Variants in PDE4D observed in about 807,000 individuals in gnomAD.
PDE4D encodes the protein phosphodiesterase 4D.
Under a neutral mutation model 87.4 loss-of-function variants are expected in PDE4D, and 24 were observed. The ratio of observed to expected loss-of-function variants is 0.27; its 90% CI spans 0.20 to 0.39. The LOEUF (loss-of-function observed/expected upper bound fraction) is 0.39, where lower values mean the gene tolerates loss of function less well. Among genes scored for constraint, PDE4D ranks in the 10% least tolerant of loss-of-function variants. PDE4D has a pLI of 1.00. For synonymous variants in PDE4D, 384 were observed against 383.2 expected, an observed-to-expected ratio of 1.00 and a Z score of -0.02; for missense variants, 714 against 1,041.0, an observed-to-expected ratio of 0.69 and a Z score of 4.32.
At chr5:59,130,598 GA>G (rs1776127293) in intron 5 of PDE4D, among the ~76,000 whole-genome samples, 1 of 152,194 alleles carries the variant, frequency 6.6e-6, no homozygotes, top group African/African-American at 2.4e-5. Flanking sequence ...TTTCGTAAGT[GA>G]AACTGGAGTG....
intron 1 of PDE4D, among the ~76,000 whole-genome samples, chr5:60,432,897 A>T (rs960144314): frequency 6.6e-6 from 1 of 152,220 alleles, no homozygotes; most frequent in African/African-American, 2.4e-5. Flanking sequence ...CTGAAACTGG[A>T]CAGCTTCCTT....
intron 1 of PDE4D, among the ~76,000 whole-genome samples, chr5:60,462,798 T>G (rs566481724): frequency 2.6e-5 from 4 of 152,268 alleles, no homozygotes; most frequent in Admixed American, 2.0e-4. Context: ...GCATCCAGCA[T>G]TTTCCCCCTC....
At chr5:60,130,741 GT>G (rs2149397038) in intron 2 of PDE4D, among the ~76,000 whole-genome samples, 1 of 152,258 alleles carries the variant, frequency 6.6e-6, no homozygotes, top group East Asian at 1.9e-4. Context: ...TGACACAGTG[GT>G]TTGGCTAAAT....
At chr5:59,133,970 C>A (rs1316717859) in intron 5 of PDE4D, among the ~76,000 whole-genome samples, 1 of 142,558 alleles carries the variant, frequency 7.0e-6, no homozygotes, top group Non-Finnish European at 1.5e-5. Flanking sequence ...TCCCTTGTAA[C>A]TTAGCAACTA....
chr5:59,235,988 T>C (rs1486419458), intron 1 of PDE4D, among the ~76,000 whole-genome samples: 1 of 152,172 alleles, frequency 6.6e-6, no homozygotes, highest in Non-Finnish European at 1.5e-5. Context: ...CAGAAAAATA[T>C]GAATGTATTT....
At chr5:60,186,987 A>C (rs7724490) in intron 1 of PDE4D, among the ~76,000 whole-genome samples, 12,182 of 152,238 alleles carry the variant, frequency 0.08, 605 homozygotes, top group African/African-American at 0.14. Flanking sequence ...TGCGGGAGGT[A>C]AGAGGTCCCG....
chr5:60,429,967 G>C, intron 1 of PDE4D: 5 of 518,740 alleles, frequency 9.6e-6, no homozygotes, highest in Non-Finnish European at 1.9e-5. Flanking sequence ...GGCAACCAAA[G>C]TATAGAGCTT....
intron 1 of PDE4D, among the ~76,000 whole-genome samples, chr5:60,340,409 T>G (rs1034157152): frequency 6.6e-6 from 1 of 152,082 alleles, no homozygotes; most frequent in Non-Finnish European, 1.5e-5. Flanking sequence ...GAGATTGTAA[T>G]GGGAATTTTA....
At chr5:59,574,059 AAAATAT>A (rs1822436806) in intron 1 of PDE4D, among the ~76,000 whole-genome samples, 1 of 39,096 alleles carries the variant, frequency 2.6e-5, no homozygotes, top group African/African-American at 1.1e-4. Context: ...TTTATATATA[AAAATAT>A]ATATATTTAT....
At chr5:60,378,118 T>C (rs556026767) in intron 1 of PDE4D, among the ~76,000 whole-genome samples, 9 of 152,284 alleles carry the variant, frequency 5.9e-5, no homozygotes, top group Admixed American at 5.9e-4. Flanking sequence ...CGCATAAATA[T>C]GAAGCAAGAA....
At chr5:60,390,879 AAAG>A (rs1189152682) in intron 1 of PDE4D, among the ~76,000 whole-genome samples, 1 of 152,030 alleles carries the variant, frequency 6.6e-6, no homozygotes, top group Admixed American at 6.6e-5. Flanking sequence ...TTCCTTCCTA[AAAG>A]AAGTCCTCGG....
chr5:60,144,084 T>C (rs1229518288), intron 2 of PDE4D, among the ~76,000 whole-genome samples: 2 of 152,170 alleles, frequency 1.3e-5, no homozygotes, highest in East Asian at 1.9e-4. Context: ...GACCCTATCA[T>C]GTACATCCCA....
At chr5:59,437,774 C>T (rs987893331) in intron 1 of PDE4D, among the ~76,000 whole-genome samples, 1 of 151,774 alleles carries the variant, frequency 6.6e-6, no homozygotes, top group Non-Finnish European at 1.5e-5. Context: ...TTTCAATTGA[C>T]AATATTATGA....
At chr5:59,540,570 C>T (rs1816148623) in intron 1 of PDE4D, among the ~76,000 whole-genome samples, 2 of 152,200 alleles carry the variant, frequency 1.3e-5, no homozygotes, top group Non-Finnish European at 2.9e-5. Flanking sequence ...ATGATGACAG[C>T]GTAGCCCTTT....
intron 1 of PDE4D, among the ~76,000 whole-genome samples, chr5:60,413,140 A>G (rs932574366): frequency 2.5e-4 from 38 of 152,186 alleles, no homozygotes; most frequent in African/African-American, 5.1e-4. Flanking sequence ...CGTTCATGCT[A>G]TCAACAGTTT....
chr5:60,277,022 C>T (rs1289631038), intron 1 of PDE4D, among the ~76,000 whole-genome samples: 2 of 151,608 alleles, frequency 1.3e-5, no homozygotes, highest in Admixed American at 6.6e-5. Context: ...CTTTGTTTTG[C>T]TTTAAGTTTC....
At chr5:60,443,061 G>A (rs756991187) in intron 1 of PDE4D, among the ~76,000 whole-genome samples, 2 of 152,016 alleles carry the variant, frequency 1.3e-5, no homozygotes, top group African/African-American at 2.4e-5. Flanking sequence ...AGAAAGATAC[G>A]AGCAAATAGA....
chr5:58,983,420 G>A (rs974755816), intron 11 of PDE4D, among the ~76,000 whole-genome samples: 2 of 152,252 alleles, frequency 1.3e-5, no homozygotes, highest in African/African-American at 2.4e-5. Flanking sequence ...ATGAAATGTC[G>A]TACATGCCCA....
chr5:59,771,548 A>AAGAAAGAAAGAAAGAAAGAT (rs1301300595), intron 1 of PDE4D, among the ~76,000 whole-genome samples: 1 of 139,504 alleles, frequency 7.2e-6, no homozygotes, highest in African/African-American at 3.4e-5. Context: ...GAAAGAAAGA[A>AAGAAAGAAAGAAAGAAAGAT]AGAAAAGAAA....
Sources: allele counts gnomAD v4.1 joint callset (sites outside exome capture counted in the v4.1 genomes callset), GRCh38; gene constraint gnomAD v4.1.1; transcripts MANE v1.5; gene names NCBI Gene and HGNC (gene_info 2026-07-23, HGNC 2026-07-21).